The following TTC21A variants were observed in gnomAD, a reference collection of about 807,000 sequenced individuals.
The protein encoded by TTC21A is tetratricopeptide repeat domain 21A.
Under a neutral mutation model 156.4 loss-of-function variants are expected in TTC21A, and 128 were observed. The observed-to-expected ratio is 0.82, with a 90% CI of 0.71 to 0.95. TTC21A has a LOEUF of 0.95. Among genes scored for constraint, TTC21A ranks in the 40% least tolerant of loss-of-function variants. The pLI, the probability that TTC21A is intolerant of heterozygous loss-of-function variation, is 0.00. For missense variants in TTC21A, 1,435 were observed against 1,602.3 expected (o/e 0.90, Z 1.78); for synonymous variants, 587 against 617.1 (o/e 0.95, Z 0.72).
intron 27 of TTC21A, 63 bp downstream of exon 27, chr3:39,138,450 C>A: frequency 6.2e-7 from 1 of 1,613,232 alleles, no homozygotes; most frequent in Non-Finnish European, 8.5e-7. Flanking sequence ...GGAGGGCCCC[C>A]ACCATGACCC....
In TTC21A at chr3:39,136,522, G is replaced by T; in HGVS notation, c.3095+15G>T. On this transcript the variant is annotated intron_variant, in intron 23 of 28. Coordinates refer to ENST00000683103, the MANE Select transcript of TTC21A (RefSeq NM_001366900.1). ...ATCTACTGCTGGTGAGTTGGGTGTGGTGTGTTGAGGGGCAGCTGTGTGCAG... is the reference window on the plus strand; with the variant it reads ...ATCTACTGCTGGTGAGTTGGGTGTGTTGTGTTGAGGGGCAGCTGTGTGCAG... 6.2e-7 allele frequency: 1 copy of T among 1,613,126 alleles called. No homozygotes were observed. Among genetic ancestry groups the T allele is most frequent in the Non-Finnish European group, 8.5e-7 (1 of 1,179,380 alleles).
chr3:39,127,950 C>G (rs1346310727), intron 12 of TTC21A, among the ~76,000 whole-genome samples: 2 of 152,194 alleles, frequency 1.3e-5, no homozygotes, highest in Non-Finnish European at 2.9e-5. Context: ...AGAGCAGGAG[C>G]TTCTTAAATT....
At position 39,133,090 on chromosome 3, in the gene TTC21A, A is replaced by G. The variant is rs200231188; in HGVS notation, c.2601A>G (p.Pro867=). The change falls in exon 20 of 29, where the codon CCA becomes CCG. Residue 867 remains proline, a synonymous_variant. Transcript: ENST00000683103. ...DLQSRILKRV[P]LEQPEMIPSQ... ...AGTCTCGGATACTGAAGCGAGTTCC[A>G]CTGGAGCAACCAGAAATGATTCCCT... The G allele has an allele frequency of 6.8e-6, 11 of 1,614,226 alleles. No homozygotes were observed. Among genetic ancestry groups the G allele is most frequent in the Non-Finnish European group, 7.6e-6 (9 of 1,180,038 alleles).
intron 12 of TTC21A, among the ~76,000 whole-genome samples, chr3:39,127,199 C>G (rs1207276629): frequency 6.6e-6 from 1 of 152,216 alleles, no homozygotes; most frequent in Non-Finnish European, 1.5e-5. Flanking sequence ...GAAGTACTGT[C>G]TCCCTGTGGC....
rs1364048469 is a variant in TTC21A at position 39,130,787 on chromosome 3, GA to G, written c.2408del (p.Lys803ArgfsTer9). The G allele has an allele frequency of 4.3e-6, 7 of 1,614,082 alleles. 1 individual carries two copies. In the African/African-American group the frequency reaches 5.3e-5, roughly 12 times the overall value. ...DLGKLLLKLK[K>X]VNKAEKVLKQ... is the part of the protein sequence containing the mutation. The stretch of plus-strand genomic sequence containing the variant: ...TGGGCAAACTGCTCCTGAAGTTAAA[GA>G]AGGTCAATAAAGCAGAAAAAGTTTT... On this transcript the variant is annotated frameshift_variant, in exon 18 of 29. Coordinates refer to ENST00000683103, the MANE Select transcript of TTC21A (RefSeq NM_001366900.1). LOFTEE classifies it high-confidence loss of function. This position sits in a 1 kb window ranked among gnomAD's most constrained non-coding sequence, Gnocchi z 4.5.
rs1422544239 is a variant in TTC21A at position 39,134,344 on chromosome 3, C to A, written c.2862+16C>A. The A allele has an allele frequency of 3.9e-6, 6 of 1,544,400 alleles. No individual in the cohort carries two copies. The highest frequency in any genetic ancestry group is 4.5e-6 in the Non-Finnish European group (5 of 1,116,332). On this transcript the variant is annotated intron_variant, in intron 21 of 28. Transcript: ENST00000683103. The surrounding 1 kb of genome is among the most constrained non-coding windows in gnomAD (Gnocchi z 4.6). ...CGCTTCTGTGGTAGGAAGCCCCCAG[C>A]ACCCACTCCCTCCCCTCCCTTCCTC...
In TTC21A at chr3:39,107,689, A is replaced by C; in HGVS notation, c.-149A>C. 2 of 1,309,010 alleles carry C rather than the reference A, an allele frequency of 1.5e-6. No homozygotes were observed. The highest frequency in any genetic ancestry group is 2.1e-6 in the Non-Finnish European group (2 of 930,464). The allele number at this position is 1,309,010 out of a possible 1,614,324, so 81.1% of individuals were successfully genotyped here. A position where few individuals can be genotyped will look rare whatever the true frequency, so the allele number is the denominator to read the frequency against. ...TTGTTCCTCCCACTCCAGACACTGGACGCTCCTAGCAACCGGCTAGCAGCT... is the reference window on the plus strand; with the variant it reads ...TTGTTCCTCCCACTCCAGACACTGGCCGCTCCTAGCAACCGGCTAGCAGCT... On this transcript the variant is annotated 5_prime_UTR_variant, in exon 1 of 29. Coordinates refer to ENST00000683103, the MANE Select transcript of TTC21A (RefSeq NM_001366900.1).
chr3:39,119,610 C>A (rs2037573621), intron 7 of TTC21A: 1 of 192,786 alleles, frequency 5.2e-6, no homozygotes, highest in Admixed American at 6.1e-5. Flanking sequence ...TATGGGTTAG[C>A]CCTGCTCCAT....
chr3:39,123,195 TA>T (rs2037917905), intron 9 of TTC21A, among the ~76,000 whole-genome samples: 1 of 152,108 alleles, frequency 6.6e-6, no homozygotes, highest in African/African-American at 2.4e-5. Context: ...AAATAAAAAA[TA>T]TTATTGTAAG....
At chr3:39,135,777 C>T (rs868074155) in intron 22 of TTC21A, among the ~76,000 whole-genome samples, 1 of 152,154 alleles carries the variant, frequency 6.6e-6, no homozygotes, top group African/African-American at 2.4e-5. Context: ...CTACCTAGGC[C>T]GGGCATGGTG....
At chr3:39,112,371 T>A (rs2036907809) in intron 4 of TTC21A, 87 bp from the exon 5 acceptor site, 1 of 1,453,830 alleles carries the variant, frequency 6.9e-7, no homozygotes, top group Non-Finnish European at 9.6e-7. Context: ...CCTCAGGGTT[T>A]TGGGTGGCAA....
chr3:39,110,178 G>A, intron 3 of TTC21A, 39 bp downstream of exon 3: 1 of 1,498,250 alleles, frequency 6.7e-7, no homozygotes, highest in East Asian at 2.3e-5. Context: ...GACCCACCAG[G>A]GGAAGGAAAG....
intron 19 of TTC21A, chr3:39,132,794 G>T: frequency 1.9e-6 from 1 of 535,700 alleles, no homozygotes. Context: ...AGGTGTGATG[G>T]AAGCAGGTAA....
rs1378461359 is a variant in TTC21A, at chr3:39,130,996, A to G, written c.2463A>G (p.Gln821=). 6.2e-7 allele frequency: 1 copy of G among 1,613,864 alleles called. No homozygotes were observed. Among genetic ancestry groups the G allele is most frequent in the Admixed American group, 1.7e-5 (1 of 59,970 alleles). Residue 821 remains glutamine, a synonymous_variant, in exon 19 of 29, where the codon CAA becomes CAG. Coordinates refer to ENST00000683103, the MANE Select transcript of TTC21A (RefSeq NM_001366900.1). The surrounding 1 kb of genome is among the most constrained non-coding windows in gnomAD (Gnocchi z 4.5). ...LKQALEHDIV[Q]DIPSMMNDVK... The stretch of plus-strand genomic sequence containing the variant: ...ATTTGAGTTTCCATTTAACAGTCCA[A>G]GACATCCCATCCATGATGAATGATG...
chr3:39,118,001 C>A, intron 6 of TTC21A, 68 bp from the exon 7 acceptor site: 1 of 1,119,270 alleles, frequency 8.9e-7, no homozygotes, highest in South Asian at 1.2e-5. Flanking sequence ...AATCAGAAGT[C>A]GCCAACACAC....
At position 39,125,095 on chromosome 3, in the gene TTC21A, C is replaced by G. The variant is rs906072237; in HGVS notation, c.1126C>G (p.Leu376Val). ...CTTGTGTCATATCTTAGAAGGCCAC[C>G]TGGAGGAAGCTGAGTACCGGCTGGA... Reference protein sequence around the residue: ...IILCHILEGHLEEAEYRLEFL... With the variant: ...IILCHILEGHVEEAEYRLEFL... The change falls in exon 10 of 29, where the codon CTG becomes GTG. Residue 376 changes from leucine to valine, a missense_variant. By Grantham distance (32) the Leu-to-Val change is conservative. Transcript: ENST00000683103. 1 of 1,613,922 alleles carries G rather than the reference C, an allele frequency of 6.2e-7. No individual in the cohort carries two copies. The highest frequency in any genetic ancestry group is 1.3e-5 in the African/African-American group (1 of 74,912).
chr3:39,132,493 T>G (rs1383874632), intron 19 of TTC21A, among the ~76,000 whole-genome samples: 1 of 152,238 alleles, frequency 6.6e-6, no homozygotes, highest in Admixed American at 6.5e-5. Flanking sequence ...TTTGAGATGA[T>G]TTATCCCCTT....
intron 12 of TTC21A, among the ~76,000 whole-genome samples, chr3:39,126,782 A>G (rs1696422713): frequency 6.6e-6 from 1 of 152,040 alleles, no homozygotes; most frequent in South Asian, 2.1e-4. Context: ...TTGTGGATTT[A>G]CTCATTTGAT....
chr3:39,138,120 G>T, intron 26 of TTC21A, 147 bp from the exon 27 acceptor site: 1 of 1,211,780 alleles, frequency 8.3e-7, no homozygotes. Flanking sequence ...AAAGGTTGGG[G>T]TACCCCTGGG....
Sources: allele counts gnomAD v4.1 joint callset (sites outside exome capture counted in the v4.1 genomes callset), GRCh38; gene constraint gnomAD v4.1.1; non-coding constraint Gnocchi (gnomAD v3.1); transcripts MANE v1.5; gene names NCBI Gene and HGNC (gene_info 2026-07-23, HGNC 2026-07-21).